The following SNX8 variants were observed in gnomAD, a reference collection of about 807,000 sequenced individuals.
SNX8 encodes sorting nexin 8.
Under a neutral mutation model 51.6 loss-of-function variants are expected in SNX8, and 25 were observed. The ratio of observed to expected loss-of-function variants is 0.48; its 90% CI spans 0.35 to 0.68. The LOEUF (loss-of-function observed/expected upper bound fraction) is 0.68. Ranked by LOEUF, SNX8 falls within the 30% of genes least tolerant of loss-of-function variation. The probability of loss-of-function intolerance (pLI) is 0.00; values close to 1 mark genes in which losing one functional copy is unlikely to be tolerated. For missense variants in SNX8, 695 were observed against 624.0 expected (o/e 1.11, Z -1.21); for synonymous variants, 324 against 277.0 (o/e 1.17, Z -1.68).
chr7:2,282,157 C>G (rs763156158), intron 1 of SNX8, among the ~76,000 whole-genome samples: 4 of 152,196 alleles, frequency 2.6e-5, no homozygotes, highest in Non-Finnish European at 4.4e-5. Flanking sequence ...CCCTGACTTC[C>G]TTCCAGATTT....
At chr7:2,326,461 C>G (rs1354386899) in intron 1 of SNX8, among the ~76,000 whole-genome samples, 1 of 151,238 alleles carries the variant, frequency 6.6e-6, no homozygotes, top group Non-Finnish European at 1.5e-5. Context: ...GTCAGGAGAT[C>G]AAGACCATCC....
At chr7:2,293,936 A>G (rs1356005753) in intron 1 of SNX8, among the ~76,000 whole-genome samples, 1 of 151,210 alleles carries the variant, frequency 6.6e-6, no homozygotes, top group African/African-American at 2.4e-5. Flanking sequence ...AGTGCACTCC[A>G]GCCTGGGCAA....
intron 1 of SNX8, among the ~76,000 whole-genome samples, chr7:2,308,292 A>C (rs760661410): frequency 9.9e-5 from 15 of 152,174 alleles, no homozygotes; most frequent in Non-Finnish European, 1.8e-4. Flanking sequence ...TTAAAAAAAG[A>C]AAAAAGTAAC....
intron 5 of SNX8, 139 bp downstream of exon 5, chr7:2,269,420 G>C (rs925605198): frequency 6.7e-5 from 29 of 432,524 alleles, no homozygotes; most frequent in Non-Finnish European, 1.1e-4. Flanking sequence ...AGAGACCTTT[G>C]TTCACTTGTT....
intron 1 of SNX8, among the ~76,000 whole-genome samples, chr7:2,287,612 A>G (rs1423263501): frequency 6.6e-6 from 1 of 151,790 alleles, no homozygotes; most frequent in East Asian, 1.9e-4. Context: ...TTAGCTACAC[A>G]TGCTGGCGGG....
At chr7:2,311,109 A>C (rs1343832349) in intron 1 of SNX8, among the ~76,000 whole-genome samples, 1 of 152,236 alleles carries the variant, frequency 6.6e-6, no homozygotes, top group Admixed American at 6.5e-5. Flanking sequence ...CTTAAGCTTC[A>C]AAGAATTCAA....
At chr7:2,330,982 C>G (rs1778723632) in intron 1 of SNX8, among the ~76,000 whole-genome samples, 1 of 151,514 alleles carries the variant, frequency 6.6e-6, no homozygotes, top group Non-Finnish European at 1.5e-5. Context: ...GTCAGGAATT[C>G]AAGACCAGCC....
At chr7:2,316,870 G>A (rs959123587), upstream of SNX8, among the ~76,000 whole-genome samples, 43 of 152,240 alleles carry the variant, frequency 2.8e-4, no homozygotes, top group Non-Finnish European at 5.7e-4. Context: ...GCCACCAGGA[G>A]GTCAGGAAGC....
chr7:2,255,212 G>C (rs910440772), intron 10 of SNX8, 43 bp from the exon 11 acceptor site: 4 of 1,274,538 alleles, frequency 3.1e-6, no homozygotes, highest in African/African-American at 3.0e-5. Flanking sequence ...GGCGGGGCCG[G>C]GGCTCCTCCT....
At chr7:2,291,585 G>A (rs1388877445) in intron 1 of SNX8, among the ~76,000 whole-genome samples, 13 of 151,050 alleles carry the variant, frequency 8.6e-5, no homozygotes, top group South Asian at 2.1e-4. Context: ...GTTATAGAGC[G>A]AGACTCGGTC....
intron 1 of SNX8, among the ~76,000 whole-genome samples, chr7:2,281,309 C>T (rs1269747866): frequency 6.6e-6 from 1 of 151,826 alleles, no homozygotes; most frequent in Non-Finnish European, 1.5e-5. Flanking sequence ...GTCCCAGCTA[C>T]TCAGGAGGCT....
At chr7:2,294,844 G>A (rs1796235846) in intron 1 of SNX8, among the ~76,000 whole-genome samples, 1 of 152,004 alleles carries the variant, frequency 6.6e-6, no homozygotes, top group African/African-American at 2.4e-5. Context: ...GACCAGCCCG[G>A]GGAACATGGC....
intron 1 of SNX8, among the ~76,000 whole-genome samples, chr7:2,343,547 C>A (rs1260693102): frequency 4.6e-5 from 7 of 151,958 alleles, no homozygotes; most frequent in Admixed American, 2.0e-4. Context: ...TGGTGGCGTG[C>A]ACCTGTAGTC....
chr7:2,288,180 CTAA>C (rs1009209011), intron 1 of SNX8: 1 of 151,838 alleles, frequency 6.6e-6, no homozygotes, highest in Non-Finnish European at 1.5e-5. Context: ...CCCATCTCTA[CTAA>C]TAATACAAAA....
In SNX8 at chr7:2,255,134, G is replaced by A. The variant is rs750168662; in HGVS notation, c.1320C>T (p.Leu440=). The A allele has an allele frequency of 6.3e-6, 10 of 1,577,224 alleles. No individual in the cohort carries two copies. Among genetic ancestry groups the A allele is most frequent in the Non-Finnish European group, 8.6e-6 (10 of 1,161,538 alleles). The part of the protein sequence containing the change: ...SKVWNDLRPK[L]SCLFAGPHST... The stretch of plus-strand genomic sequence containing the variant: ...TGTGTGGTCCCGCAAAGAGGCAGCT[G>A]AGCTTGGGCCTCAGGTCGTTCCACA... The change falls in exon 11 of 11, where the codon CTC becomes CTT. Residue 440 remains leucine (L), a synonymous_variant. Coordinates refer to ENST00000222990, the MANE Select transcript of SNX8 (RefSeq NM_013321.4).
intron 6 of SNX8, 70 bp from the exon 7 acceptor site, chr7:2,263,432 T>A: frequency 2.1e-6 from 3 of 1,461,182 alleles, no homozygotes; most frequent in Non-Finnish European, 2.8e-6. Context: ...GAGTCTGGCA[T>A]CCCCCCCGAC....
At chr7:2,317,251 CTTTTTTTTTTTTTTTTTTTTTTTTTTTT>C (rs780593342), upstream of SNX8, among the ~76,000 whole-genome samples, 14 of 43,090 alleles carry the variant, frequency 3.2e-4, no homozygotes, top group South Asian at 9.5e-4. Context: ...CCTGGACCTT[CTTTTTTTTTTTTTTTTTTTTTTTTTTTT>C]TTTTTTTTTT....
chr7:2,350,628 C>T (rs1025644682), intron 1 of SNX8, among the ~76,000 whole-genome samples: 8 of 152,082 alleles, frequency 5.3e-5, no homozygotes, highest in African/African-American at 1.9e-4. Context: ...AACAGTGAGA[C>T]ACTCTCCCCC....
At chr7:2,346,843 C>T (rs1583129356) in intron 1 of SNX8, among the ~76,000 whole-genome samples, 1 of 147,518 alleles carries the variant, frequency 6.8e-6, no homozygotes, top group East Asian at 2.0e-4. Context: ...TCTCTTGAGC[C>T]TGGGAGGTGG....
Sources: gnomAD v4.1 joint callset for allele counts (sites outside exome capture counted in the v4.1 genomes callset) on GRCh38, gnomAD v4.1.1 for gene constraint, MANE v1.5 for transcripts, NCBI Gene and HGNC (gene_info 2026-07-23, HGNC 2026-07-21) for gene names.